Variants in GTF3C1 observed in about 807,000 individuals in gnomAD.
The protein encoded by GTF3C1 is general transcription factor IIIC subunit 1, also known as general transcription factor 3C polypeptide 1.
In GTF3C1, 57 loss-of-function variants were observed where a neutral mutation model predicts 226.7. That is an observed-to-expected ratio of 0.25 (90% CI 0.20 to 0.31). The LOEUF is 0.31. GTF3C1 is among the 10% of genes least tolerant of loss of function. The pLI is 1.00. For missense variants in GTF3C1, 2,217 were observed against 2,776.1 expected, an observed-to-expected ratio of 0.80 and a Z score of 4.53; for synonymous variants, 1,090 against 1,084.8, an observed-to-expected ratio of 1.00 and a Z score of -0.09.
At position 27,464,699 on chromosome 16, in the gene GTF3C1, G is replaced by A; in HGVS notation, c.5493C>T (p.Asp1831=). 3 of 1,598,354 alleles carry A rather than the reference G, an allele frequency of 1.9e-6. No homozygotes were observed. The highest frequency in any genetic ancestry group is 2.5e-6 in the Non-Finnish European group (3 of 1,177,220). The change falls in exon 34 of 37, where the codon GAC becomes GAT. Residue 1831 remains aspartate (D), a synonymous_variant. Transcript: ENST00000356183. ...DREDADIQRE[D]PQARPLEGSS... ...ACCCCTCCAGGGGTCTGGCCTGGGG[G>A]TCTTCTCTCTGGATGTCGGCGTCTT... is the stretch of plus-strand genomic sequence containing the variant.
intron 21 of GTF3C1, 138 bp from the exon 22 acceptor site, chr16:27,488,773 C>A: frequency 2.7e-6 from 2 of 733,146 alleles, no homozygotes; most frequent in East Asian, 2.6e-5. Flanking sequence ...AGTCTCCTGC[C>A]ACCCGCTTTA....
chr16:27,485,737 G>A (rs969891709), intron 24 of GTF3C1, among the ~76,000 whole-genome samples: 25 of 152,264 alleles, frequency 1.6e-4, no homozygotes, highest in African/African-American at 5.8e-4. Context: ...AGGACTATGA[G>A]AGGCTGAGGT....
chr16:27,537,092 T>C (rs2089011918), intron 4 of GTF3C1, among the ~76,000 whole-genome samples: 1 of 152,238 alleles, frequency 6.6e-6, no homozygotes. Context: ...TGTTATCGCT[T>C]AGCAGAACCT....
intron 4 of GTF3C1, among the ~76,000 whole-genome samples, chr16:27,536,489 C>T (rs973137636): frequency 4.6e-5 from 7 of 152,152 alleles, no homozygotes; most frequent in Admixed American, 6.5e-5. Flanking sequence ...CCCAGCTACT[C>T]GGGAGGCTGA....
intron 27 of GTF3C1, among the ~76,000 whole-genome samples, chr16:27,479,311 T>C (rs771042977): frequency 1.4e-5 from 2 of 146,728 alleles, no homozygotes; most frequent in African/African-American, 5.1e-5. Context: ...TTACAAACCA[T>C]TTCCCCATTT....
intron 25 of GTF3C1, 126 bp from the exon 26 acceptor site, chr16:27,483,251 C>T (rs1420885340): frequency 8.2e-6 from 7 of 857,278 alleles, no homozygotes; most frequent in African/African-American, 6.7e-5. Flanking sequence ...TACTTATATG[C>T]CTGTTGCACA....
chr16:27,549,663 C>CCGG lies in GTF3C1; in HGVS notation c.221+6_221+7insCCG. On this transcript the variant is annotated splice_region_variant and intron_variant, in intron 1 of 36. Coordinates refer to ENST00000356183, the MANE Select transcript of GTF3C1 (RefSeq NM_001520.4). Reference sequence around the variant, plus strand: ...CGCCCGCCCGCCAGGCCAGGCCGCCCGCTGACCGGTCCTGGAGCTGTAGGT... The same window carrying CCGG: ...CGCCCGCCCGCCAGGCCAGGCCGCCCCGGGCTGACCGGTCCTGGAGCTGTAGGT... 1 of 1,512,438 alleles carries CCGG rather than the reference C, an allele frequency of 6.6e-7. No homozygotes were observed. Among genetic ancestry groups the CCGG allele is most frequent in the Non-Finnish European group, 8.9e-7 (1 of 1,117,344 alleles). 93.7% of individuals were successfully genotyped at this position (1,512,438 alleles called of 1,614,324 possible).
intron 27 of GTF3C1, 41 bp downstream of exon 27, chr16:27,481,038 C>T (rs1303829583): frequency 6.6e-7 from 1 of 1,522,876 alleles, no homozygotes; most frequent in Admixed American, 1.7e-5. Context: ...TTTCTTCTTG[C>T]CCTGCGAGGG....
At chr16:27,515,049 C>T (rs1002709559) in intron 6 of GTF3C1, among the ~76,000 whole-genome samples, 4 of 152,176 alleles carry the variant, frequency 2.6e-5, no homozygotes, top group African/African-American at 4.8e-5. Context: ...AAAAGATACA[C>T]AGGACAGCTC....
rs999102178 is a variant in GTF3C1, at chr16:27,469,186, G to A, written c.5074+105C>T. ...TTTTCTGTGTGTTCTGTGGCTGCAC[G>A]CCTGGCCTGGGGAGCCTGAAGGTCT... On this transcript the variant is annotated intron_variant, in intron 32 of 36. Coordinates refer to ENST00000356183, the MANE Select transcript of GTF3C1 (RefSeq NM_001520.4). The surrounding 1 kb of genome is among the most constrained non-coding windows in gnomAD (Gnocchi z 4.5). 2.0e-5 allele frequency: 24 copies of A among 1,178,478 alleles called. No individual in the cohort carries two copies. The highest frequency in any genetic ancestry group is 2.9e-4 in the Middle Eastern group (1 of 3,462). 73.0% of individuals were successfully genotyped at this position (1,178,478 alleles called of 1,614,324 possible).
At position 27,470,493 on chromosome 16, in the gene GTF3C1, C is replaced by T; in HGVS notation, c.4527-98G>A. ...GCACGTCAAACCATTATGGTGAGAA[C>T]TAAGCAAAACGCCCCACTTCTTCCC... On this transcript the variant is annotated intron_variant, in intron 30 of 36. Transcript: ENST00000356183. The surrounding 1 kb of genome is among the most constrained non-coding windows in gnomAD (Gnocchi z 4.9). 1 of 910,584 alleles carries T rather than the reference C, an allele frequency of 1.1e-6. No homozygotes were observed. The highest frequency in any genetic ancestry group is 1.6e-5 in the South Asian group (1 of 62,762). The allele number at this position is 910,584 out of a possible 1,614,324, so 56.4% of individuals were successfully genotyped here.
In GTF3C1 at chr16:27,537,777, A is replaced by G; in HGVS notation, c.752+7T>C. Reference sequence around the variant, plus strand: ...AAACCTAATGTTTTGGTCACTACAAACCATACCTGTCCACATGAAACCGGT... The same window carrying G: ...AAACCTAATGTTTTGGTCACTACAAGCCATACCTGTCCACATGAAACCGGT... On this transcript the variant is annotated splice_region_variant and intron_variant, in intron 4 of 36. Coordinates refer to ENST00000356183, the MANE Select transcript of GTF3C1 (RefSeq NM_001520.4). The G allele has an allele frequency of 6.2e-7, 1 of 1,606,694 alleles. No individual in the cohort carries two copies. Among genetic ancestry groups the G allele is most frequent in the Non-Finnish European group, 8.5e-7 (1 of 1,174,774 alleles).
chr16:27,523,633 A>G (rs232084), intron 6 of GTF3C1, among the ~76,000 whole-genome samples: 25,246 of 152,094 alleles, frequency 0.17, 2,256 homozygotes, highest in Middle Eastern at 0.23. Context: ...GCATCTGCTT[A>G]GCACCTACTC....
intron 24 of GTF3C1, among the ~76,000 whole-genome samples, chr16:27,485,002 G>A (rs556518870): frequency 1.3e-5 from 2 of 152,226 alleles, no homozygotes; most frequent in African/African-American, 2.4e-5. Context: ...ATGGAGGGAC[G>A]CCCCACTTAC....
At position 27,508,647 on chromosome 16, in the gene GTF3C1, T is replaced by C. The variant is rs774304941; in HGVS notation, c.1135A>G (p.Arg379Gly). ...GCTTGGGAAATTCCTTTCGTGCCTC[T>C]GCGCTCAACTGTGAGAAACAATACA... ...LTQTYDLIER[R>G]GTKGISQAEI... is the part of the protein sequence containing the mutation. The change falls in exon 8 of 37, where the codon AGA (arginine) becomes GGA (glycine). Residue 379 changes from arginine to glycine, a missense_variant. Physicochemically the swap from Arg to Gly is moderately radical, Grantham distance 125. Transcript: ENST00000356183. 1.4e-5 allele frequency: 22 copies of C among 1,613,348 alleles called. 1 individual carries two copies. The South Asian group carries it at 2.2e-4, about 16-fold the overall frequency.
At position 27,462,348 on chromosome 16, in the gene GTF3C1, C is replaced by T. The variant is rs372091184; in HGVS notation, c.6063G>A (p.Leu2021=). ...GCAGGACCCCCTGGTAGTGGCGCAG[C>T]AGGGAGCTCTCGGGGATGCCAGGCC... ...MTRPGIPESS[L]LRHYQGVLQP... is the part of the protein sequence containing the mutation. The change falls in exon 36 of 37, where the codon CTG becomes CTA. Residue 2021 remains leucine, a synonymous_variant. Transcript: ENST00000356183. The surrounding 1 kb of genome is among the most constrained non-coding windows in gnomAD (Gnocchi z 4.5). 1.2e-3 allele frequency: 1,822 copies of T among 1,578,494 alleles called. 40 individuals carry two copies. The South Asian group carries it at 0.02, about 18-fold the overall frequency.
intron 6 of GTF3C1, among the ~76,000 whole-genome samples, chr16:27,516,006 C>T (rs1232526055): frequency 6.6e-6 from 1 of 152,238 alleles, no homozygotes; most frequent in Non-Finnish European, 1.5e-5. Context: ...GCTAGGATGT[C>T]AGTGAGCCCA....
chr16:27,507,032 A>C lies in GTF3C1; in HGVS notation c.1367T>G (p.Val456Gly). The change falls in exon 9 of 37, where the codon GTG becomes GGG. Residue 456 changes from valine (V) to glycine (G), a missense_variant. Physicochemically the swap from Val to Gly is moderately radical, Grantham distance 109. Transcript: ENST00000356183. This position sits in a 1 kb window ranked among gnomAD's most constrained non-coding sequence, Gnocchi z 4.9. ...CTCCTCCTGCATAGACGCCAGGCTC[A>C]CGGTGGTCAAGAGCTCGCTGCGGGC... ...EKARSELLTT[V>G]SLASMQEESL... The C allele has an allele frequency of 1.9e-6, 3 of 1,613,752 alleles. No homozygotes were observed. The highest frequency in any genetic ancestry group is 2.5e-6 in the Non-Finnish European group (3 of 1,179,948).
chr16:27,492,743 A>G lies in GTF3C1; in HGVS notation c.2877-30T>C, dbSNP rs1371117548. ...AAAACAGAGGGGGCGGGAGGTTCTC[A>G]TCACACCACACTCGCAGCCGGCCGC... On this transcript the variant is annotated intron_variant, in intron 17 of 36. Coordinates refer to ENST00000356183, the MANE Select transcript of GTF3C1 (RefSeq NM_001520.4). This position sits in a 1 kb window ranked among gnomAD's most constrained non-coding sequence, Gnocchi z 5.0. 2.5e-6 allele frequency: 3 copies of G among 1,201,906 alleles called. No homozygotes were observed. Among genetic ancestry groups the G allele is most frequent in the Non-Finnish European group, 3.7e-6 (3 of 803,318 alleles). The allele number at this position is 1,201,906 out of a possible 1,614,324, so 74.5% of individuals were successfully genotyped here.
Sources: allele counts gnomAD v4.1 joint callset (sites outside exome capture counted in the v4.1 genomes callset), GRCh38; gene constraint gnomAD v4.1.1; non-coding constraint Gnocchi (gnomAD v3.1); transcripts MANE v1.5; gene names NCBI Gene and HGNC (gene_info 2026-07-23, HGNC 2026-07-21).